MTAP: variants seen among roughly 807,000 people sequenced by gnomAD.
The protein encoded by MTAP is S-methyl-5'-thioadenosine phosphorylase.
MTAP carries 33 observed loss-of-function variants against 33.6 expected under a neutral mutation model. The ratio of observed to expected loss-of-function variants is 0.98; its 90% CI spans 0.74 to 1.31. MTAP has a LOEUF of 1.31. Ranked by LOEUF, MTAP falls within the 40% of genes most tolerant of loss-of-function variation. MTAP has a pLI of 0.00. For synonymous variants in MTAP, 148 were observed against 125.7 expected (o/e 1.18, Z -1.19); for missense variants, 367 against 360.0 (o/e 1.02, Z -0.16).
chr9:21,908,169 G>T (rs76642557), intron 1 of MTAP, among the ~76,000 whole-genome samples: 5,641 of 151,990 alleles, frequency 0.037, 326 homozygotes, highest in African/African-American at 0.13. Context: ...CTTTCTCCAT[G>T]TCTATACTTT....
chr9:21,809,615 G>C (rs1039059237), intron 1 of MTAP, among the ~76,000 whole-genome samples: 1 of 151,488 alleles, frequency 6.6e-6, no homozygotes, highest in Non-Finnish European at 1.5e-5. Context: ...CTCCAGCCTG[G>C]GCGACAGAGT....
Position 21,854,556 on chromosome 9 carries a change from A to C in MTAP, c.451-75A>C, listed in dbSNP as rs1825590598. 4 of 1,456,492 alleles carry C rather than the reference A, an allele frequency of 2.7e-6. No individual in the cohort carries two copies. In the African/African-American group the frequency reaches 4.2e-5, roughly 15 times the overall value. The allele number at this position is 1,456,492 out of a possible 1,614,324, so 90.2% of individuals were successfully genotyped here. On this transcript the variant is annotated intron_variant, in intron 5 of 7. Transcript: ENST00000644715. ...TCATCTTTAAGAAATCAACTTGGTAAACATTGGGGGGAAGTGCAGCCTTAA... is the reference window on the plus strand; with the variant it reads ...TCATCTTTAAGAAATCAACTTGGTACACATTGGGGGGAAGTGCAGCCTTAA...
chr9:21,905,771 C>G (rs902849223), intron 1 of MTAP, among the ~76,000 whole-genome samples: 1 of 152,098 alleles, frequency 6.6e-6, no homozygotes, highest in Non-Finnish European at 1.5e-5. Flanking sequence ...CTTTCTGAGA[C>G]TAAGAAAATA....
chr9:21,854,755 A>T lies in MTAP; in HGVS notation c.575A>T (p.Asp192Val). 6.2e-7 allele frequency: 1 copy of T among 1,614,176 alleles called. No individual in the cohort carries two copies. The highest frequency in any genetic ancestry group is 8.5e-7 in the Non-Finnish European group (1 of 1,180,010). ...ESFMFRTWGA[D>V]VINMTTVPEV... ...TTCATGTTCCGCACCTGGGGGGCGG[A>T]TGTTATCAACATGACCACAGTTCCA... The change falls in exon 6 of 8, where the codon GAT becomes GTT. Residue 192 changes from aspartate (D) to valine (V), a missense_variant. Transcript: ENST00000644715.
chr9:21,893,214 GA>G (rs1818229381), intron 1 of MTAP: 1 of 152,096 alleles, frequency 6.6e-6, no homozygotes, highest in Non-Finnish European at 1.5e-5. Flanking sequence ...GACACATGGG[GA>G]TCATGGGGAT....
chr9:21,871,583 A>G (rs1825937768), downstream of MTAP, among the ~76,000 whole-genome samples: 1 of 152,210 alleles, frequency 6.6e-6, no homozygotes, highest in Admixed American at 6.5e-5. Flanking sequence ...CTTTCATATA[A>G]GAGATACTGT....
At chr9:21,921,554 C>T (rs1242767114) in intron 1 of MTAP, among the ~76,000 whole-genome samples, 1 of 152,156 alleles carries the variant, frequency 6.6e-6, no homozygotes, top group African/African-American at 2.4e-5. Flanking sequence ...CTAGACAAAA[C>T]TGTTCATTTA....
At chr9:21,846,269 T>G (rs1825379023) in intron 5 of MTAP, among the ~76,000 whole-genome samples, 1 of 152,128 alleles carries the variant, frequency 6.6e-6, no homozygotes, top group South Asian at 2.1e-4. Flanking sequence ...TGCAGCTTAA[T>G]TCATCTAAAA....
downstream of MTAP, among the ~76,000 whole-genome samples, chr9:21,867,838 G>A (rs1459804201): frequency 6.6e-6 from 1 of 152,120 alleles, no homozygotes; most frequent in Non-Finnish European, 1.5e-5. Context: ...TCTTGGAACT[G>A]TTATAGGCAA....
At chr9:21,849,568 G>A (rs1385641819) in intron 5 of MTAP, among the ~76,000 whole-genome samples, 2 of 152,156 alleles carry the variant, frequency 1.3e-5, no homozygotes, top group Non-Finnish European at 2.9e-5. Context: ...GTAAAGTGAT[G>A]GCTATTACAG....
rs1261539954 is a variant in MTAP at position 21,859,362 on chromosome 9, A to G, written c.750A>G (p.Leu250=). ...LKENANKAKS[L]LLTTIPQIGS... ...AAAACGCTAATAAAGCCAAAAGCTTACTGCTCACTACCATACCTCAGATAG... is the reference window on the plus strand; with the variant it reads ...AAAACGCTAATAAAGCCAAAAGCTTGCTGCTCACTACCATACCTCAGATAG... Residue 250 remains leucine, a synonymous_variant, in exon 7 of 8, where the codon TTA becomes TTG. Coordinates refer to ENST00000644715, the MANE Select transcript of MTAP (RefSeq NM_002451.4). 1.2e-6 allele frequency: 2 copies of G among 1,613,816 alleles called. No homozygotes were observed.
chr9:21,802,914 C>T (rs775918097), intron 1 of MTAP, 133 bp downstream of exon 1: 16 of 1,448,872 alleles, frequency 1.1e-5, no homozygotes, highest in Non-Finnish European at 1.4e-5. Flanking sequence ...GGGACTGGGG[C>T]GCGGCACTCG....
chr9:21,938,972 A>C (rs1255594199), downstream of MTAP, among the ~76,000 whole-genome samples: 1 of 152,202 alleles, frequency 6.6e-6, no homozygotes, highest in Non-Finnish European at 1.5e-5. Flanking sequence ...CTGTGTCCCT[A>C]CTGAAATCTC....
chr9:21,881,011 T>A (rs1017583317), intron 1 of MTAP, among the ~76,000 whole-genome samples: 2 of 151,872 alleles, frequency 1.3e-5, no homozygotes, highest in African/African-American at 4.8e-5. Flanking sequence ...TCAAAATATA[T>A]TACAAAACTA....
At chr9:21,877,290 A>T (rs1826026439) in intron 1 of MTAP, among the ~76,000 whole-genome samples, 1 of 152,140 alleles carries the variant, frequency 6.6e-6, no homozygotes, top group Non-Finnish European at 1.5e-5. Context: ...ATAGATAATC[A>T]TGTCATGTGC....
intron 5 of MTAP, among the ~76,000 whole-genome samples, chr9:21,850,887 G>A (rs545759759): frequency 3.3e-5 from 5 of 152,282 alleles, no homozygotes; most frequent in Admixed American, 1.3e-4. Flanking sequence ...TGCTGTGCCC[G>A]TGCATGGCCT....
intron 1 of MTAP, among the ~76,000 whole-genome samples, chr9:21,887,235 A>G (rs1818126325): frequency 1.3e-5 from 2 of 152,038 alleles, no homozygotes; most frequent in African/African-American, 2.4e-5. Flanking sequence ...AACATTAGGT[A>G]TATCTCCTAA....
intron 1 of MTAP, among the ~76,000 whole-genome samples, chr9:21,877,830 G>T (rs904595160): frequency 1.3e-5 from 2 of 151,984 alleles, no homozygotes; most frequent in Admixed American, 6.6e-5. Flanking sequence ...TTATTTTGTT[G>T]TGTCTCTGCC....
chr9:21,829,617 C>T (rs953918299), intron 4 of MTAP, among the ~76,000 whole-genome samples: 1 of 149,344 alleles, frequency 6.7e-6, no homozygotes, highest in African/African-American at 2.6e-5. Context: ...AGTTTGTCAG[C>T]ACGTTGTCTC....
Sources: allele counts gnomAD v4.1 joint callset (sites outside exome capture counted in the v4.1 genomes callset), GRCh38; gene constraint gnomAD v4.1.1; transcripts MANE v1.5; gene names NCBI Gene and HGNC (gene_info 2026-07-23, HGNC 2026-07-21).